Variants in SEMA3A observed in about 807,000 individuals in gnomAD.
The protein encoded by SEMA3A is semaphorin-3A.
Under a neutral mutation model 97.9 loss-of-function variants are expected in SEMA3A, and 29 were observed. The ratio of observed to expected loss-of-function variants is 0.30; its 90% CI spans 0.22 to 0.40. The LOEUF is 0.40. SEMA3A is among the 10% of genes least tolerant of loss of function. The pLI is 1.00. For synonymous variants in SEMA3A, 321 were observed against 323.7 expected (o/e 0.99, Z 0.09); for missense variants, 763 against 951.3 (o/e 0.80, Z 2.60).
At chr7:83,968,815 T>A in intron 15 of SEMA3A, among the ~76,000 whole-genome samples, 1 of 140,016 alleles carries the variant, frequency 7.1e-6, no homozygotes, top group Admixed American at 7.1e-5. Context: ...TTTTTTTTTT[T>A]TTTTTTTTTT....
At chr7:84,470,261 G>A (rs1806111728) in intron 1 of SEMA3A, among the ~76,000 whole-genome samples, 1 of 151,926 alleles carries the variant, frequency 6.6e-6, no homozygotes, top group Admixed American at 6.6e-5. Flanking sequence ...AATTAAATAA[G>A]GAGAAGTGTT....
At chr7:84,318,462 A>G (rs1169290298) in intron 2 of SEMA3A, among the ~76,000 whole-genome samples, 1 of 150,152 alleles carries the variant, frequency 6.7e-6, no homozygotes, top group East Asian at 2.0e-4. Flanking sequence ...AGCTGGGACT[A>G]CAGGCGCCCG....
chr7:84,413,213 G>T (rs1276116919), intron 1 of SEMA3A, among the ~76,000 whole-genome samples: 14 of 152,060 alleles, frequency 9.2e-5, no homozygotes, highest in Admixed American at 8.5e-4. Flanking sequence ...TAGAATAATG[G>T]TTCTATTGCC....
At chr7:84,081,819 A>T (rs1776796992) in intron 4 of SEMA3A, among the ~76,000 whole-genome samples, 2 of 151,974 alleles carry the variant, frequency 1.3e-5, no homozygotes, top group Admixed American at 1.3e-4. Context: ...TATCTCATAT[A>T]TTTTAAGTAA....
At chr7:84,467,231 T>G (rs1400033374) in intron 1 of SEMA3A, among the ~76,000 whole-genome samples, 1 of 151,918 alleles carries the variant, frequency 6.6e-6, no homozygotes, top group Admixed American at 6.6e-5. Context: ...AAAGTAGAAA[T>G]CAATTCCAGG....
At chr7:84,454,390 G>A (rs989255432) in intron 1 of SEMA3A, among the ~76,000 whole-genome samples, 3 of 152,140 alleles carry the variant, frequency 2.0e-5, no homozygotes, top group Admixed American at 2.0e-4. Context: ...TAACAGCTTA[G>A]TTACTTTTTC....
intron 4 of SEMA3A, among the ~76,000 whole-genome samples, chr7:84,062,024 A>C (rs1007687515): frequency 6.6e-6 from 1 of 152,188 alleles, no homozygotes; most frequent in Non-Finnish European, 1.5e-5. Flanking sequence ...TGGTCCTAAA[A>C]TGTCAGCACA....
chr7:84,153,690 G>A (rs1264293476), intron 1 of SEMA3A, among the ~76,000 whole-genome samples: 3 of 151,908 alleles, frequency 2.0e-5, no homozygotes, highest in Non-Finnish European at 4.4e-5. Flanking sequence ...GGTCAAAAAT[G>A]TTACTTTAAT....
chr7:83,979,090 TGAA>T (rs2116311603), intron 14 of SEMA3A, among the ~76,000 whole-genome samples: 1 of 151,970 alleles, frequency 6.6e-6, no homozygotes, highest in African/African-American at 2.4e-5. Context: ...AACTTTCACA[TGAA>T]GAAGAAATAA....
At chr7:84,421,582 G>A (rs755114744) in intron 1 of SEMA3A, among the ~76,000 whole-genome samples, 8 of 151,980 alleles carry the variant, frequency 5.3e-5, no homozygotes, top group Non-Finnish European at 7.4e-5. Context: ...AGAGGGCATC[G>A]TTGTCTTGTG....
At chr7:84,091,154 AGG>A (rs1794564612) in intron 4 of SEMA3A, among the ~76,000 whole-genome samples, 2 of 34,286 alleles carry the variant, frequency 5.8e-5, no homozygotes, top group African/African-American at 1.1e-4. Flanking sequence ...GAAGGAAGGA[AGG>A]AAGGAAGGAA....
intron 1 of SEMA3A, among the ~76,000 whole-genome samples, chr7:84,444,572 T>C (rs1039716247): frequency 1.3e-5 from 2 of 150,782 alleles, no homozygotes; most frequent in Admixed American, 6.6e-5. Flanking sequence ...TTCTTTTTTT[T>C]TTTTTTTGAG....
chr7:83,990,078 G>A (rs1326110063), intron 12 of SEMA3A, among the ~76,000 whole-genome samples: 2 of 151,884 alleles, frequency 1.3e-5, no homozygotes, highest in Non-Finnish European at 2.9e-5. Context: ...GTGATGATGA[G>A]CATTTTTTCA....
chr7:84,424,228 T>C (rs1350345997), intron 1 of SEMA3A, among the ~76,000 whole-genome samples: 2 of 150,240 alleles, frequency 1.3e-5, no homozygotes, highest in East Asian at 1.9e-4. Flanking sequence ...ATTGCAAAGA[T>C]ACAGGATGAC....
intron 3 of SEMA3A, among the ~76,000 whole-genome samples, chr7:84,200,438 G>A (rs963165342): frequency 2.0e-5 from 3 of 152,038 alleles, no homozygotes; most frequent in Non-Finnish European, 4.4e-5. Context: ...GAGCCAGTAG[G>A]TGAATTTTAT....
chr7:84,022,908 C>A (rs1452133153), intron 6 of SEMA3A, among the ~76,000 whole-genome samples: 1 of 152,188 alleles, frequency 6.6e-6, no homozygotes, highest in South Asian at 2.1e-4. Context: ...ATTTACTAAT[C>A]TTGGGCCAAT....
intron 3 of SEMA3A, among the ~76,000 whole-genome samples, chr7:84,241,576 G>A (rs1158914129): frequency 2.0e-5 from 3 of 152,042 alleles, no homozygotes; most frequent in Admixed American, 6.6e-5. Flanking sequence ...TCTGATGATA[G>A]TTTTTTTGTT....
intron 6 of SEMA3A, among the ~76,000 whole-genome samples, chr7:84,028,556 C>A (rs1335662943): frequency 6.6e-6 from 1 of 151,910 alleles, no homozygotes; most frequent in African/African-American, 2.4e-5. Context: ...TGGCTATATG[C>A]TATAGAATTA....
Position 83,961,477 on chromosome 7 carries a change from G to A in SEMA3A, c.2210C>T (p.Pro737Leu), listed in dbSNP as rs775615982. The change falls in exon 17 of 17, where the codon CCA becomes CTA. Residue 737 changes from proline to leucine, a missense_variant. Around this residue, in one of 2 missense-constraint regions of SEMA3A, gnomAD observed 678 missense variants for 881.3 expected, o/e 0.77. Coordinates refer to ENST00000265362, the MANE Select transcript of SEMA3A (RefSeq NM_006080.3). ...GTTACTGTTCCCTGGGGTATGTCCTGGCCTTTGCCGACGTTGTTTTCGGTC... is the reference window on the plus strand; with the variant it reads ...GTTACTGTTCCCTGGGGTATGTCCTAGCCTTTGCCGACGTTGTTTTCGGTC... ...KRDRKQRRQRPGHTPGNSNKW... is the reference protein window; with the variant it reads ...KRDRKQRRQRLGHTPGNSNKW... 16 of 1,613,998 alleles carry A rather than the reference G, an allele frequency of 9.9e-6. No homozygotes were observed. The South Asian group carries it at 1.3e-4, about 13-fold the overall frequency.
Sources: allele counts gnomAD v4.1 joint callset (sites outside exome capture counted in the v4.1 genomes callset), GRCh38; gene constraint gnomAD v4.1.1; regional missense constraint gnomAD v4.1.1; transcripts MANE v1.5; gene names NCBI Gene and HGNC (gene_info 2026-07-23, HGNC 2026-07-21).